Variants in NSD1 observed in about 807,000 individuals in gnomAD.
NSD1 encodes the protein nuclear receptor binding SET domain protein 1, also known as histone-lysine N-methyltransferase, H3 lysine-36 specific.
In NSD1, 26 loss-of-function variants were observed where a neutral mutation model predicts 242.7. That is an observed-to-expected ratio of 0.11 (90% CI 0.08 to 0.15). The LOEUF (loss-of-function observed/expected upper bound fraction) is 0.15, where lower values mean the gene tolerates loss of function less well. NSD1 is among the 10% of genes least tolerant of loss of function. The pLI, the probability that NSD1 is intolerant of heterozygous loss-of-function variation, is 1.00. For missense variants in NSD1, 2,495 were observed against 3,272.8 expected, an observed-to-expected ratio of 0.76 and a Z score of 5.80; for synonymous variants, 1,106 against 1,178.1, an observed-to-expected ratio of 0.94 and a Z score of 1.25.
At chr5:177,283,756 G>A (rs1367205837) in intron 19 of NSD1, 31 bp from the exon 20 acceptor site, 1 of 1,612,608 alleles carries the variant, frequency 6.2e-7, no homozygotes, top group Non-Finnish European at 8.5e-7. Context: ...GTCTCAGGAA[G>A]TCTGATGTGT....
chr5:177,239,258 T>C (rs1765674403), intron 7 of NSD1, among the ~76,000 whole-genome samples: 1 of 152,214 alleles, frequency 6.6e-6, no homozygotes, highest in Non-Finnish European at 1.5e-5. Context: ...ACAGTAAAGA[T>C]AGTTATTATT....
At chr5:177,220,563 CTTTTTTTTT>C (rs869220346) in intron 5 of NSD1, among the ~76,000 whole-genome samples, 8 of 84,332 alleles carry the variant, frequency 9.5e-5, no homozygotes, top group Non-Finnish European at 1.6e-4. Context: ...ATAGTAATTG[CTTTTTTTTT>C]TTTTTTTTTT....
At chr5:177,159,400 A>G (rs1315683852) in intron 2 of NSD1, among the ~76,000 whole-genome samples, 3 of 150,838 alleles carry the variant, frequency 2.0e-5, no homozygotes. Flanking sequence ...CCGGTGCCTC[A>G]GCTTCCCAAG....
chr5:177,173,233 A>G (rs1759869338), intron 2 of NSD1, among the ~76,000 whole-genome samples: 2 of 148,684 alleles, frequency 1.3e-5, no homozygotes, highest in Non-Finnish European at 1.5e-5. Context: ...CGGAGCTTAC[A>G]GTGAGCCGAG....
At chr5:177,172,080 A>G (rs1759758868) in intron 2 of NSD1, among the ~76,000 whole-genome samples, 1 of 152,162 alleles carries the variant, frequency 6.6e-6, no homozygotes, top group African/African-American at 2.4e-5. Context: ...CCTAGTTTAT[A>G]TAATTGCTTG....
intron 2 of NSD1, among the ~76,000 whole-genome samples, chr5:177,147,207 G>A (rs2149771727): frequency 6.6e-6 from 1 of 152,176 alleles, no homozygotes; most frequent in East Asian, 1.9e-4. Flanking sequence ...CCAGGCTTAA[G>A]CGATCCTCCC....
At chr5:177,171,586 C>G (rs760133963) in intron 2 of NSD1, among the ~76,000 whole-genome samples, 1 of 152,166 alleles carries the variant, frequency 6.6e-6, no homozygotes, top group Non-Finnish European at 1.5e-5. Context: ...TGATGGTCAT[C>G]ATCCCAAACA....
At chr5:177,265,357 TTTTG>T (rs1757334599) in intron 14 of NSD1, 2 of 598,452 alleles carry the variant, frequency 3.3e-6, no homozygotes, top group Non-Finnish European at 5.9e-6. Context: ...TAAGAATTTT[TTTTG>T]TTTCCCAGCT....
intron 12 of NSD1, among the ~76,000 whole-genome samples, 166 bp from the exon 13 acceptor site, chr5:177,256,785 A>G (rs972318788): frequency 8.5e-5 from 13 of 152,158 alleles, no homozygotes; most frequent in African/African-American, 1.9e-4. Context: ...GGGAGTATCT[A>G]TTACCAGATT....
intron 2 of NSD1, among the ~76,000 whole-genome samples, chr5:177,159,285 G>A (rs766117446): frequency 2.8e-5 from 4 of 143,774 alleles, no homozygotes; most frequent in Non-Finnish European, 6.1e-5. Flanking sequence ...TTTTTTTTTT[G>A]TTTGTTTGTT....
At chr5:177,271,624 T>A (rs1436799016) in intron 16 of NSD1, among the ~76,000 whole-genome samples, 1 of 152,186 alleles carries the variant, frequency 6.6e-6, no homozygotes, top group African/African-American at 2.4e-5. Context: ...ACGTGTTGAA[T>A]CTATTAATAA....
intron 2 of NSD1, among the ~76,000 whole-genome samples, chr5:177,180,756 C>G (rs1488950114): frequency 6.6e-6 from 1 of 151,996 alleles, no homozygotes; most frequent in African/African-American, 2.4e-5. Flanking sequence ...GATCTCAGCT[C>G]ACTGCATCCT....
chr5:177,291,824 C>T, intron 21 of NSD1, 130 bp from the exon 22 acceptor site: 1 of 899,694 alleles, frequency 1.1e-6, no homozygotes, highest in Non-Finnish European at 1.8e-6. Flanking sequence ...AGGTACCTTT[C>T]CTGCATTTTA....
Position 177,238,654 on chromosome 5 carries a change from A to G in NSD1, c.4192+147A>G. ...CTGGGAAATACTTAAAATGATGGTTAATTAGATATAGTTACTAACCATGAA... is the reference window on the plus strand; with the variant it reads ...CTGGGAAATACTTAAAATGATGGTTGATTAGATATAGTTACTAACCATGAA... On this transcript the variant is annotated intron_variant, in intron 7 of 22. Coordinates refer to ENST00000439151, the MANE Select transcript of NSD1 (RefSeq NM_022455.5). This position sits in a 1 kb window ranked among gnomAD's most constrained non-coding sequence, Gnocchi z 4.6. 1 of 889,132 alleles carries G rather than the reference A, an allele frequency of 1.1e-6. No individual in the cohort carries two copies. The highest frequency in any genetic ancestry group is 1.8e-6 in the Non-Finnish European group (1 of 558,850). The allele number at this position is 889,132 out of a possible 1,614,324, so 55.1% of individuals were successfully genotyped here.
chr5:177,193,394 G>A (rs1244925258), intron 3 of NSD1, among the ~76,000 whole-genome samples: 1 of 151,896 alleles, frequency 6.6e-6, no homozygotes, highest in Non-Finnish European at 1.5e-5. Flanking sequence ...TGCCTGCCTC[G>A]GCCTTACAAA....
Position 177,248,203 on chromosome 5 carries a change from C to CCCT in NSD1, c.4520_4521insCCT (p.Thr1507_Ala1508insLeu), listed in dbSNP as rs1766449053. On this transcript the variant is annotated inframe_insertion, in exon 11 of 23. Transcript: ENST00000439151. ...AAGGGAGAACTAATGCCTCACAGGA[C>CCCT]GGCCACAAGCCCCAAGGAGACTGTT... 2 of 1,614,010 alleles carry CCCT rather than the reference C, an allele frequency of 1.2e-6. No individual in the cohort carries two copies. Among genetic ancestry groups the CCCT allele is most frequent in the South Asian group, 2.2e-5 (2 of 91,086 alleles).
intron 14 of NSD1, among the ~76,000 whole-genome samples, chr5:177,263,609 G>A (rs1233151174): frequency 2.0e-5 from 3 of 152,186 alleles, no homozygotes; most frequent in African/African-American, 7.2e-5. Flanking sequence ...TATTCTCTGT[G>A]ATGAAGTGGG....
Position 177,295,283 on chromosome 5 carries a change from A to G in NSD1, c.7915A>G (p.Ile2639Val). Residue 2639 changes from isoleucine (I) to valine (V), a missense_variant, in exon 23 of 23, where the codon ATA (isoleucine) becomes GTA (valine). Around this residue, in one of 19 missense-constraint regions of NSD1, gnomAD observed 475 missense variants for 563.7 expected, o/e 0.84. Transcript: ENST00000439151. The surrounding 1 kb of genome is among the most constrained non-coding windows in gnomAD (Gnocchi z 4.3). ...KASSRAGLWP[I>V]VAGQTLAQSC... ...CTCATCACGGGCAGGGCTCTGGCCC[A>G]TAGTGGCTGGACAGACACTGGCACA... 5 of 1,614,272 alleles carry G rather than the reference A, an allele frequency of 3.1e-6. No homozygotes were observed. The highest frequency in any genetic ancestry group is 1.1e-5 in the South Asian group (1 of 91,084).
chr5:177,135,194 C>G lies in NSD1; in HGVS notation c.91C>G (p.Pro31Ala), dbSNP rs905320202. 3 of 1,613,916 alleles carry G rather than the reference C, an allele frequency of 1.9e-6. No individual in the cohort carries two copies. In the Admixed American group the frequency reaches 5.0e-5, roughly 27 times the overall value. Residue 31 changes from proline (P) to alanine (A), a missense_variant, in exon 2 of 23, where the codon CCT becomes GCT. Coordinates refer to ENST00000439151, the MANE Select transcript of NSD1 (RefSeq NM_022455.5). The part of the protein sequence containing the change: ...NLDAPEDKDS[P>A]FGNGQSNFSE... Reference sequence around the variant, plus strand: ...AGATGCCCCTGAAGACAAGGACAGCCCTTTCGGTAATGGTCAATCCAATTT... The same window carrying G: ...AGATGCCCCTGAAGACAAGGACAGCGCTTTCGGTAATGGTCAATCCAATTT...
Sources: gnomAD v4.1 joint callset for allele counts (sites outside exome capture counted in the v4.1 genomes callset) on GRCh38, gnomAD v4.1.1 for gene constraint, gnomAD v4.1.1 regional missense constraint, Gnocchi (gnomAD v3.1) non-coding constraint, MANE v1.5 for transcripts, NCBI Gene and HGNC (gene_info 2026-07-23, HGNC 2026-07-21) for gene names.